Variants in GOT1 observed in about 807,000 individuals in gnomAD.
The protein encoded by GOT1 is aspartate aminotransferase, cytoplasmic.
In GOT1, 25 loss-of-function variants were observed where a neutral mutation model predicts 48.2. The ratio of observed to expected loss-of-function variants is 0.52; its 90% CI spans 0.38 to 0.72. The LOEUF is 0.72. GOT1 is among the 30% of genes least tolerant of loss of function. The pLI is 0.00. For synonymous variants in GOT1, 188 were observed against 193.8 expected (o/e 0.97, Z 0.25); for missense variants, 380 against 520.1 (o/e 0.73, Z 2.62).
At chr10:99,411,556 TCCA>T in intron 2 of GOT1, among the ~76,000 whole-genome samples, 1 of 152,376 alleles carries the variant, frequency 6.6e-6, no homozygotes, top group African/African-American at 2.4e-5. Context: ...TAAAACTGTA[TCCA>T]CTCCTAGAAT....
intron 2 of GOT1, among the ~76,000 whole-genome samples, chr10:99,409,646 T>C (rs888633438): frequency 7.9e-5 from 12 of 152,138 alleles, no homozygotes; most frequent in African/African-American, 2.7e-4. Flanking sequence ...AGTCATCCCA[T>C]GAATGGATTA....
chr10:99,406,645 T>G, intron 3 of GOT1, 81 bp downstream of exon 3: 2 of 1,406,746 alleles, frequency 1.4e-6, no homozygotes, highest in Non-Finnish European at 2.0e-6. Flanking sequence ...CTGGATTACA[T>G]TTTCTGTGTA....
At chr10:99,426,781 A>G (rs886291372) in intron 1 of GOT1, among the ~76,000 whole-genome samples, 4 of 152,364 alleles carry the variant, frequency 2.6e-5, no homozygotes, top group East Asian at 3.9e-4. Flanking sequence ...GCAAGAAGAA[A>G]AACTGAGGAA....
At chr10:99,428,312 A>T (rs143156251) in intron 1 of GOT1, among the ~76,000 whole-genome samples, 12 of 152,308 alleles carry the variant, frequency 7.9e-5, no homozygotes, top group South Asian at 4.1e-4. Flanking sequence ...GATAGTTCAA[A>T]GGTAAATTGA....
At chr10:99,418,061 A>T (rs4567385) in intron 2 of GOT1, among the ~76,000 whole-genome samples, 124,648 of 149,042 alleles carry the variant, frequency 0.84, 52,209 homozygotes, top group East Asian at 0.91. Context: ...TAAAAAAAAA[A>T]ATATATATAT....
At chr10:99,406,881 T>C (rs777932785) in intron 2 of GOT1, 32 bp from the exon 3 acceptor site, 1 of 1,609,958 alleles carries the variant, frequency 6.2e-7, no homozygotes, top group Admixed American at 1.7e-5. Flanking sequence ...CACAGGCTGA[T>C]AATGGTGAGG....
At chr10:99,413,804 G>T (rs1220572612) in intron 2 of GOT1, among the ~76,000 whole-genome samples, 3 of 152,272 alleles carry the variant, frequency 2.0e-5, no homozygotes, top group African/African-American at 7.2e-5. Flanking sequence ...TTAAAGAAAA[G>T]AATTTTCAAC....
intron 7 of GOT1, 92 bp from the exon 8 acceptor site, chr10:99,402,814 G>T: frequency 1.9e-6 from 2 of 1,047,594 alleles, no homozygotes; most frequent in African/African-American, 1.6e-5. Flanking sequence ...TTAAACGACA[G>T]CTGACAATGG....
rs749320633 is a variant in GOT1, at chr10:99,406,258, A to G, written c.425-9T>C. 1 of 1,589,244 alleles carries G rather than the reference A, an allele frequency of 6.3e-7. No homozygotes were observed. Among genetic ancestry groups the G allele is most frequent in the Non-Finnish European group, 8.6e-7 (1 of 1,157,308 alleles). ...CACAGCATTGTGATTCTCTGCATGC[A>G]AAGAAGTAAAAAGTTAAGCACTTTA... is the stretch of plus-strand genomic sequence containing the variant. On this transcript the variant is annotated splice_polypyrimidine_tract_variant and intron_variant, in intron 3 of 8. Transcript: ENST00000370508.
At chr10:99,408,369 T>C (rs2032788375) in intron 2 of GOT1, among the ~76,000 whole-genome samples, 1 of 152,164 alleles carries the variant, frequency 6.6e-6, no homozygotes, top group African/African-American at 2.4e-5. Flanking sequence ...ATAAACCCCA[T>C]GTTGCCCAAT....
At chr10:99,402,428 AC>A (rs1481399379) in intron 8 of GOT1, 151 bp downstream of exon 8, 2 of 736,614 alleles carry the variant, frequency 2.7e-6, no homozygotes, top group African/African-American at 3.5e-5. Context: ...ATGGTGGGAC[AC>A]CCTAAGAAAA....
intron 2 of GOT1, among the ~76,000 whole-genome samples, chr10:99,416,477 C>T (rs377361324): frequency 1.1e-4 from 16 of 152,100 alleles, no homozygotes; most frequent in South Asian, 2.1e-4. Flanking sequence ...TCCATGCTCA[C>T]GGATAGGAAG....
At chr10:99,428,235 C>T (rs1409905046) in intron 1 of GOT1, among the ~76,000 whole-genome samples, 6 of 152,172 alleles carry the variant, frequency 3.9e-5, no homozygotes, top group African/African-American at 1.2e-4. Context: ...TTATATAAAT[C>T]CTACTTATGT....
chr10:99,422,045 A>G (rs1311333606), intron 1 of GOT1, among the ~76,000 whole-genome samples: 5 of 152,202 alleles, frequency 3.3e-5, no homozygotes, highest in Admixed American at 2.0e-4. Flanking sequence ...GTAGACTGAT[A>G]TAGTTTGGCT....
chr10:99,402,256 G>A (rs1251595856), intron 8 of GOT1, among the ~76,000 whole-genome samples: 2 of 152,206 alleles, frequency 1.3e-5, no homozygotes, highest in Non-Finnish European at 2.9e-5. Flanking sequence ...ATGTACCTGA[G>A]CATTTATAAG....
At position 99,430,621 on chromosome 10, in the gene GOT1, G is replaced by C. The variant is rs1025302991; in HGVS notation, c.-56C>G. On this transcript the variant is annotated 5_prime_UTR_variant, in exon 1 of 9. Coordinates refer to ENST00000370508, the MANE Select transcript of GOT1 (RefSeq NM_002079.3). ...CCCACGCCCGGAGCTGGCAGGTCAGGTCTGGCCGTTGCGACTGGAGGAGAC... is the reference window on the plus strand; with the variant it reads ...CCCACGCCCGGAGCTGGCAGGTCAGCTCTGGCCGTTGCGACTGGAGGAGAC... The C allele has an allele frequency of 1.2e-5, 18 of 1,445,728 alleles. No individual in the cohort carries two copies. The Admixed American group carries it at 2.1e-4, about 17-fold the overall frequency. The allele number at this position is 1,445,728 out of a possible 1,614,324, so 89.6% of individuals were successfully genotyped here. A position where few individuals can be genotyped will look rare whatever the true frequency, so the allele number is the denominator to read the frequency against.
intron 1 of GOT1, among the ~76,000 whole-genome samples, chr10:99,427,361 T>C (rs1035595040): frequency 6.6e-6 from 1 of 152,084 alleles, no homozygotes. Flanking sequence ...CTCCGCCTCC[T>C]GGGTTCACGC....
At chr10:99,413,791 T>A (rs1223384502) in intron 2 of GOT1, among the ~76,000 whole-genome samples, 3 of 152,184 alleles carry the variant, frequency 2.0e-5, no homozygotes, top group African/African-American at 4.8e-5. Flanking sequence ...ATATTCAACA[T>A]TCTTAAAGAA....
chr10:99,402,810 G>T, intron 7 of GOT1, 88 bp from the exon 8 acceptor site: 1 of 1,093,336 alleles, frequency 9.1e-7, no homozygotes. Context: ...TAATTTAAAC[G>T]ACAGCTGACA....
Sources: allele counts gnomAD v4.1 joint callset (sites outside exome capture counted in the v4.1 genomes callset), GRCh38; gene constraint gnomAD v4.1.1; transcripts MANE v1.5; gene names NCBI Gene and HGNC (gene_info 2026-07-23, HGNC 2026-07-21).